The following TM9SF4 variants were observed in gnomAD, a reference collection of about 807,000 sequenced individuals.
The protein encoded by TM9SF4 is transmembrane 9 superfamily member 4.
TM9SF4 carries 26 observed loss-of-function variants against 90.4 expected under a neutral mutation model. The ratio of observed to expected loss-of-function variants is 0.29; its 90% CI spans 0.21 to 0.40. The LOEUF is 0.40. Among genes scored for constraint, TM9SF4 ranks in the 10% least tolerant of loss-of-function variants. The pLI, the probability that TM9SF4 is intolerant of heterozygous loss-of-function variation, is 1.00. For synonymous variants in TM9SF4, 293 were observed against 315.4 expected, an observed-to-expected ratio of 0.93 and a Z score of 0.75; for missense variants, 549 against 834.8, an observed-to-expected ratio of 0.66 and a Z score of 4.22.
chr20:32,136,189 A>G lies in TM9SF4; in HGVS notation c.229+16A>G, dbSNP rs1347975356. 9 of 1,612,512 alleles carry G rather than the reference A, an allele frequency of 5.6e-6. No individual in the cohort carries two copies. Among genetic ancestry groups the G allele is most frequent in the Middle Eastern group, 3.3e-4 (2 of 6,060 alleles). On this transcript the variant is annotated intron_variant, in intron 3 of 17. Coordinates refer to ENST00000398022, the MANE Select transcript of TM9SF4 (RefSeq NM_014742.4). ...GAGAATCTGGGTAAGTTCTTCTCCCACACTGCTGTCAACTTGTCCCCAGGG... is the reference window on the plus strand; with the variant it reads ...GAGAATCTGGGTAAGTTCTTCTCCCGCACTGCTGTCAACTTGTCCCCAGGG...
chr20:32,122,021 G>A (rs1338849248), intron 1 of TM9SF4, among the ~76,000 whole-genome samples: 3 of 142,236 alleles, frequency 2.1e-5, no homozygotes, highest in African/African-American at 8.1e-5. Flanking sequence ...GGCTGGCCGG[G>A]CGGGGGGCTG....
At chr20:32,153,522 G>A (rs1165680969) in intron 12 of TM9SF4, among the ~76,000 whole-genome samples, 4 of 152,202 alleles carry the variant, frequency 2.6e-5, no homozygotes, top group Non-Finnish European at 4.4e-5. Context: ...GCCGAGGCAG[G>A]AGGATCACTT....
At chr20:32,116,862 C>CTTT (rs201365030) in intron 1 of TM9SF4, among the ~76,000 whole-genome samples, 1 of 95,882 alleles carries the variant, frequency 1.0e-5, no homozygotes, top group East Asian at 2.7e-4. Flanking sequence ...TTTCCTTTTT[C>CTTT]TTTTTTTTTT....
chr20:32,141,460 C>A, intron 3 of TM9SF4, 37 bp from the exon 4 acceptor site: 1 of 1,608,940 alleles, frequency 6.2e-7, no homozygotes, highest in South Asian at 1.1e-5. Context: ...AACCTCAGGG[C>A]TGAAGCTCTG....
chr20:32,151,133 T>A (rs2046835167), intron 12 of TM9SF4, among the ~76,000 whole-genome samples: 1 of 152,026 alleles, frequency 6.6e-6, no homozygotes. Flanking sequence ...TTAGCTGACA[T>A]TGTCTGATGG....
intron 1 of TM9SF4, among the ~76,000 whole-genome samples, chr20:32,129,942 T>C (rs1180080574): frequency 6.6e-6 from 1 of 152,222 alleles, no homozygotes; most frequent in Non-Finnish European, 1.5e-5. Flanking sequence ...TGTATACATT[T>C]TGGCATACCT....
At chr20:32,136,845 A>G (rs531650207) in intron 3 of TM9SF4, 6 of 471,164 alleles carry the variant, frequency 1.3e-5, no homozygotes, top group African/African-American at 1.2e-4. Context: ...GACCTCAGGG[A>G]ACTTAAGAGA....
intron 3 of TM9SF4, among the ~76,000 whole-genome samples, chr20:32,138,789 G>C (rs1407417523): frequency 6.6e-6 from 1 of 152,218 alleles, no homozygotes; most frequent in Non-Finnish European, 1.5e-5. Context: ...GTTCCTCTCT[G>C]TAGCTCTTTC....
chr20:32,141,086 A>T (rs368848103), intron 3 of TM9SF4, among the ~76,000 whole-genome samples: 2 of 151,602 alleles, frequency 1.3e-5, no homozygotes, highest in Non-Finnish European at 2.9e-5. Context: ...GCGTGGTGGC[A>T]TGCACCTGTA....
rs1337411276 is a variant in TM9SF4, at chr20:32,165,798, TC to T, written c.*356del. On this transcript the variant is annotated 3_prime_UTR_variant, in exon 18 of 18. Coordinates refer to ENST00000398022, the MANE Select transcript of TM9SF4 (RefSeq NM_014742.4). ...AACAAATGGATCCAGGATGGATAAA[TC>T]CACCGAGATAAGGGTTTTGGTCACT... The T allele has an allele frequency of 9.3e-6, 2 of 214,232 alleles. No individual in the cohort carries two copies. Among genetic ancestry groups the T allele is most frequent in the Non-Finnish European group, 1.9e-5 (2 of 103,634 alleles). The allele number at this position is 214,232 out of a possible 1,614,324, so 13.3% of individuals were successfully genotyped here. A position where few individuals can be genotyped will look rare whatever the true frequency, so the allele number is the denominator to read the frequency against.
At chr20:32,115,321 C>T (rs978875673) in intron 1 of TM9SF4, among the ~76,000 whole-genome samples, 1 of 152,196 alleles carries the variant, frequency 6.6e-6, no homozygotes, top group East Asian at 1.9e-4. Flanking sequence ...ATTAAAGAAG[C>T]ACGTCAGAGA....
chr20:32,118,493 A>G (rs2046257601), intron 1 of TM9SF4, among the ~76,000 whole-genome samples: 1 of 124,834 alleles, frequency 8.0e-6, no homozygotes, highest in Admixed American at 8.0e-5. Context: ...CAGTGGTGGA[A>G]TCATAGCTCA....
At chr20:32,150,401 C>T (rs1350548018) in intron 10 of TM9SF4, among the ~76,000 whole-genome samples, 2 of 152,232 alleles carry the variant, frequency 1.3e-5, no homozygotes, top group Non-Finnish European at 2.9e-5. Context: ...AGCCAAGGCC[C>T]AGCAGCTGCT....
intron 1 of TM9SF4, among the ~76,000 whole-genome samples, chr20:32,115,598 T>C (rs2122306049): frequency 6.6e-6 from 1 of 152,276 alleles, no homozygotes; most frequent in Admixed American, 6.5e-5. Flanking sequence ...TGCCTGATGC[T>C]TTAAACCAAC....
At chr20:32,136,516 T>A (rs2046596429) in intron 3 of TM9SF4, among the ~76,000 whole-genome samples, 1 of 152,146 alleles carries the variant, frequency 6.6e-6, no homozygotes, top group Non-Finnish European at 1.5e-5. Context: ...GATTTCTAGA[T>A]AGCTCCTCTC....
At chr20:32,116,862 C>CTTTTTTTTTTTTT (rs201365030) in intron 1 of TM9SF4, among the ~76,000 whole-genome samples, 104 of 95,842 alleles carry the variant, frequency 1.1e-3, no homozygotes, top group Non-Finnish European at 1.5e-3. Flanking sequence ...TTTCCTTTTT[C>CTTTTTTTTTTTTT]TTTTTTTTTT....
intron 1 of TM9SF4, chr20:32,116,714 G>A (rs1209688903): frequency 6.6e-6 from 1 of 151,948 alleles, no homozygotes; most frequent in Non-Finnish European, 1.5e-5. Flanking sequence ...TGCTTGGTAA[G>A]TTGTCTCTAG....
chr20:32,120,151 A>G (rs1022234201), intron 1 of TM9SF4, among the ~76,000 whole-genome samples: 1 of 152,176 alleles, frequency 6.6e-6, no homozygotes, highest in Admixed American at 6.5e-5. Flanking sequence ...TATAAATGCT[A>G]GAATCAGCTT....
Position 32,150,644 on chromosome 20 carries a change from G to A in TM9SF4, c.1110G>A (p.Leu370=), listed in dbSNP as rs2046828382. ...CAGTTGTAGCCATGCTTGGGATGCT[G>A]TCGCCCTCCAGCCGGGGAGCTCTCA... ...IVIFVAMLGM[L]SPSSRGALMT... is the part of the protein sequence containing the mutation. The change falls in exon 11 of 18, where the codon CTG becomes CTA. Residue 370 remains leucine (L), a synonymous_variant. Coordinates refer to ENST00000398022, the MANE Select transcript of TM9SF4 (RefSeq NM_014742.4). 1 of 1,614,204 alleles carries A rather than the reference G, an allele frequency of 6.2e-7. No homozygotes were observed. The highest frequency in any genetic ancestry group is 1.1e-5 in the South Asian group (1 of 91,092).
Sources: allele counts gnomAD v4.1 joint callset (sites outside exome capture counted in the v4.1 genomes callset), GRCh38; gene constraint gnomAD v4.1.1; transcripts MANE v1.5; gene names NCBI Gene and HGNC (gene_info 2026-07-23, HGNC 2026-07-21).